The following CPEB1 variants were observed in gnomAD, a reference collection of about 807,000 sequenced individuals.
The protein encoded by CPEB1 is cytoplasmic polyadenylation element binding protein 1.
Under a neutral mutation model 65.8 loss-of-function variants are expected in CPEB1, and 7 were observed. The ratio of observed to expected loss-of-function variants is 0.11; its 90% CI spans 0.06 to 0.20. CPEB1 has a LOEUF of 0.20. Ranked by LOEUF, CPEB1 falls within the 10% of genes least tolerant of loss-of-function variation. The pLI, the probability that CPEB1 is intolerant of heterozygous loss-of-function variation, is 1.00. For synonymous variants in CPEB1, 262 were observed against 260.0 expected (o/e 1.01, Z -0.08); for missense variants, 551 against 712.2 (o/e 0.77, Z 2.58).
In CPEB1 at chr15:82,564,668, C is replaced by T. The variant is rs78141443; in HGVS notation, c.460+6676G>A. On this transcript the variant is annotated intron_variant, in intron 4 of 12. Coordinates refer to ENST00000684509, the MANE Select transcript of CPEB1 (RefSeq NM_001365242.1). ...CTTAACTCATCCCTACCCAGCCCAT[C>T]GCCAAAACAGAGGTTTAAAAACCAG... is the stretch of plus-strand genomic sequence containing the variant. Among the ~76,000 whole-genome samples the T allele has an allele frequency of 1.7e-3, 263 of 152,218 alleles. 1 individual carries two copies. Among genetic ancestry groups the T allele is most frequent in the African/African-American group, 5.9e-3 (244 of 41,514 alleles).
At chr15:82,631,130 A>C (rs2151333905) in intron 1 of CPEB1, among the ~76,000 whole-genome samples, 1 of 152,248 alleles carries the variant, frequency 6.6e-6, no homozygotes, top group East Asian at 1.9e-4. Flanking sequence ...GGAGAAAGGT[A>C]TTCCTTAGGA....
At chr15:82,556,996 C>T (rs920333019) in intron 5 of CPEB1, among the ~76,000 whole-genome samples, 2 of 152,150 alleles carry the variant, frequency 1.3e-5, no homozygotes, top group African/African-American at 4.8e-5. Flanking sequence ...GGAGATTTGG[C>T]AACAAAAATG....
intron 3 of CPEB1, among the ~76,000 whole-genome samples, chr15:82,596,358 T>A (rs1018304047): frequency 2.6e-5 from 4 of 152,030 alleles, no homozygotes; most frequent in African/African-American, 9.7e-5. Flanking sequence ...AAGCTTTCCA[T>A]CTGAGAAAAA....
intron 1 of CPEB1, among the ~76,000 whole-genome samples, chr15:82,633,964 T>TAAA (rs112776351): frequency 1.4e-4 from 18 of 133,268 alleles, no homozygotes; most frequent in Admixed American, 5.3e-4. Flanking sequence ...CCTAAAGGTA[T>TAAA]AAAAAAAAAA....
rs1446508877 is a variant in CPEB1, at chr15:82,552,473, A to G, written c.1281+7T>C. Reference sequence around the variant, plus strand: ...CTCGATCCAGAAAGGACATCACGCTAACTCACCTCCTTGCAGCGCATCCTT... The same window carrying G: ...CTCGATCCAGAAAGGACATCACGCTGACTCACCTCCTTGCAGCGCATCCTT... On this transcript the variant is annotated splice_region_variant and intron_variant, in intron 9 of 12. Coordinates refer to ENST00000684509, the MANE Select transcript of CPEB1 (RefSeq NM_001365242.1). 6.4e-7 allele frequency: 1 copy of G among 1,558,914 alleles called. No individual in the cohort carries two copies. Among genetic ancestry groups the G allele is most frequent in the South Asian group, 1.2e-5 (1 of 80,660 alleles).
At chr15:82,602,819 T>C (rs1278022851) in intron 3 of CPEB1, among the ~76,000 whole-genome samples, 1 of 152,128 alleles carries the variant, frequency 6.6e-6, no homozygotes, top group African/African-American at 2.4e-5. Flanking sequence ...CACTCCAGCC[T>C]GGGCGACAGA....
At chr15:82,564,208 A>T (rs1187249825) in intron 4 of CPEB1, among the ~76,000 whole-genome samples, 1 of 152,246 alleles carries the variant, frequency 6.6e-6, no homozygotes, top group African/African-American at 2.4e-5. Flanking sequence ...TACGTATTCC[A>T]TAGAGCCAGT....
chr15:82,629,437 A>G, intron 1 of CPEB1: 1 of 981,230 alleles, frequency 1.0e-6, no homozygotes, highest in South Asian at 4.7e-5. Context: ...TACCGAATGA[A>G]AAAAGAACTC....
intron 1 of CPEB1, among the ~76,000 whole-genome samples, chr15:82,645,698 T>C (rs2047448650): frequency 6.6e-6 from 1 of 151,670 alleles, no homozygotes. Flanking sequence ...TGAAACCCCA[T>C]CTCTACTAAA....
chr15:82,573,947 C>G lies in CPEB1; in HGVS notation c.272-2415G>C, dbSNP rs151213097. Among the ~76,000 whole-genome samples the G allele has an allele frequency of 2.0e-5, 3 of 152,188 alleles. No individual in the cohort carries two copies. In the East Asian group the frequency reaches 5.8e-4, roughly 29 times the overall value. On this transcript the variant is annotated intron_variant, in intron 3 of 12. Coordinates refer to ENST00000684509, the MANE Select transcript of CPEB1 (RefSeq NM_001365242.1). ...CTGCACCACTGTACTCCAGCCTGGG[C>G]GACAAAGTAGTTCCCATCTCAAAAG... is the stretch of plus-strand genomic sequence containing the variant.
Position 82,555,963 on chromosome 15 carries a change from C to T in CPEB1, c.847G>A (p.Gly283Arg), listed in dbSNP as rs1053438406. The T allele has an allele frequency of 6.2e-7, 1 of 1,613,656 alleles. No homozygotes were observed. The highest frequency in any genetic ancestry group is 8.5e-7 in the Non-Finnish European group (1 of 1,179,852). Residue 283 changes from glycine (G) to arginine (R), a missense_variant, in exon 6 of 13, where the codon GGA becomes AGA. This residue lies in a region of CPEB1 where 128 missense variants were observed against 129.1 expected (regional missense o/e 0.99). Coordinates refer to ENST00000684509, the MANE Select transcript of CPEB1 (RefSeq NM_001365242.1). The stretch of plus-strand genomic sequence containing the variant: ...TCCCAGGATGGCCACACAGAAGCTC[C>T]TGGCCATCTCTTTGAAGCACTGGTT... Reference protein sequence around the residue: ...SPTSASKRWPGASVWPSWDLL... With the variant: ...SPTSASKRWPRASVWPSWDLL...
At chr15:82,639,768 T>A (rs546239592) in intron 1 of CPEB1, among the ~76,000 whole-genome samples, 1 of 152,224 alleles carries the variant, frequency 6.6e-6, no homozygotes, top group South Asian at 2.1e-4. Context: ...AACATCGGCT[T>A]TCCTCCTGGA....
At chr15:82,642,305 A>G (rs905348388) in intron 1 of CPEB1, among the ~76,000 whole-genome samples, 4 of 152,214 alleles carry the variant, frequency 2.6e-5, no homozygotes, top group Non-Finnish European at 5.9e-5. Context: ...TGTAATCCCA[A>G]TACTCTGGGA....
At chr15:82,632,192 C>G (rs559763133) in intron 1 of CPEB1, among the ~76,000 whole-genome samples, 3 of 152,102 alleles carry the variant, frequency 2.0e-5, no homozygotes, top group Admixed American at 2.0e-4. Flanking sequence ...CCACATTAGT[C>G]AGGATGGTCT....
chr15:82,602,325 C>T (rs1173168176), intron 3 of CPEB1, among the ~76,000 whole-genome samples: 1 of 152,172 alleles, frequency 6.6e-6, no homozygotes, highest in Non-Finnish European at 1.5e-5. Context: ...CTTCACAACT[C>T]ATAAAATGCA....
At chr15:82,584,656 C>A (rs1213939495) in intron 3 of CPEB1, among the ~76,000 whole-genome samples, 2 of 131,264 alleles carry the variant, frequency 1.5e-5, no homozygotes, top group Non-Finnish European at 1.6e-5. Flanking sequence ...CCAGCCTGGG[C>A]AAGACAGAGC....
intron 3 of CPEB1, among the ~76,000 whole-genome samples, chr15:82,617,724 G>GTTTTTTTT (rs35267620): frequency 1.2e-5 from 1 of 83,818 alleles, no homozygotes; most frequent in Non-Finnish European, 2.3e-5. Context: ...TTCTATTAAA[G>GTTTTTTTT]TTTTTTTTTT....
At chr15:82,647,653 C>G (rs1245808697), upstream of CPEB1, 6 of 366,316 alleles carry the variant, frequency 1.6e-5, no homozygotes, top group African/African-American at 1.1e-4. Context: ...GGCCCTGAGT[C>G]ACGAGGAGGC....
chr15:82,643,824 AT>A (rs939927623), intron 1 of CPEB1, among the ~76,000 whole-genome samples: 20 of 152,050 alleles, frequency 1.3e-4, no homozygotes, highest in Non-Finnish European at 2.8e-4. Flanking sequence ...CTTTAAAAAA[AT>A]TTTTTTTAAC....
Sources: gnomAD v4.1 joint callset for allele counts (sites outside exome capture counted in the v4.1 genomes callset) on GRCh38, gnomAD v4.1.1 for gene constraint, gnomAD v4.1.1 regional missense constraint, MANE v1.5 for transcripts, NCBI Gene and HGNC (gene_info 2026-07-23, HGNC 2026-07-21) for gene names.